Variants in GPC6 observed in about 807,000 individuals in gnomAD.
GPC6 encodes glypican-6.
A neutral mutation model predicts 55.2 loss-of-function variants in GPC6; 14 were observed. The ratio of observed to expected loss-of-function variants is 0.25; its 90% CI spans 0.17 to 0.40. GPC6 has a LOEUF of 0.40. Among genes scored for constraint, GPC6 ranks in the 10% least tolerant of loss-of-function variants. GPC6 has a pLI of 1.00. For synonymous variants in GPC6, 278 were observed against 259.6 expected, an observed-to-expected ratio of 1.07 and a Z score of -0.68; for missense variants, 641 against 708.5, an observed-to-expected ratio of 0.90 and a Z score of 1.08.
intron 1 of GPC6, among the ~76,000 whole-genome samples, chr13:93,418,406 A>G (rs538601268): frequency 6.8e-6 from 1 of 146,250 alleles, no homozygotes; most frequent in Admixed American, 6.7e-5. Context: ...CCGTAGTATT[A>G]TTTTATTAAT....
At chr13:94,003,395 C>T (rs1393882322) in intron 3 of GPC6, among the ~76,000 whole-genome samples, 1 of 152,120 alleles carries the variant, frequency 6.6e-6, no homozygotes, top group Non-Finnish European at 1.5e-5. Flanking sequence ...AGAGCTCAGT[C>T]AGAATAGAGG....
At chr13:94,324,843 G>A (rs958975767) in intron 6 of GPC6, among the ~76,000 whole-genome samples, 22 of 152,106 alleles carry the variant, frequency 1.4e-4, no homozygotes, top group Admixed American at 3.3e-4. Flanking sequence ...GATACGCCAC[G>A]TTTGTGACAT....
At chr13:94,030,898 T>C (rs1408612593) in intron 4 of GPC6, among the ~76,000 whole-genome samples, 1 of 152,204 alleles carries the variant, frequency 6.6e-6, no homozygotes, top group Non-Finnish European at 1.5e-5. Context: ...TTAGTGACTG[T>C]TTAGAGTTCA....
At chr13:93,671,503 G>A (rs1300625974) in intron 2 of GPC6, among the ~76,000 whole-genome samples, 1 of 152,056 alleles carries the variant, frequency 6.6e-6, no homozygotes, top group Non-Finnish European at 1.5e-5. Context: ...CCTCTGGGGT[G>A]TTTTGGCTTT....
chr13:93,621,283 G>A (rs1878941147), intron 2 of GPC6, among the ~76,000 whole-genome samples: 1 of 152,178 alleles, frequency 6.6e-6, no homozygotes, highest in African/African-American at 2.4e-5. Context: ...GTTGCAACCT[G>A]TTGGCCTTCA....
At chr13:93,328,159 A>G (rs956908038) in intron 1 of GPC6, among the ~76,000 whole-genome samples, 1 of 152,138 alleles carries the variant, frequency 6.6e-6, no homozygotes, top group African/African-American at 2.4e-5. Flanking sequence ...CTATCTGAAG[A>G]CTTAAAGCAA....
intron 2 of GPC6, among the ~76,000 whole-genome samples, chr13:93,593,802 A>G (rs1877597981): frequency 6.6e-6 from 1 of 152,158 alleles, no homozygotes; most frequent in Non-Finnish European, 1.5e-5. Flanking sequence ...CTTTTGGAAG[A>G]TTGTCAAATT....
intron 2 of GPC6, among the ~76,000 whole-genome samples, chr13:93,623,250 T>C (rs1411518430): frequency 6.6e-6 from 1 of 152,134 alleles, no homozygotes; most frequent in African/African-American, 2.4e-5. Context: ...TGCAGATATC[T>C]CCTTGACATA....
chr13:94,166,845 A>G (rs1480705866), intron 4 of GPC6, among the ~76,000 whole-genome samples: 2 of 152,192 alleles, frequency 1.3e-5, no homozygotes, highest in African/African-American at 4.8e-5. Flanking sequence ...ATTTAGTCCA[A>G]ATACATTAAA....
intron 2 of GPC6, among the ~76,000 whole-genome samples, chr13:93,796,260 T>C (rs2138929895): frequency 6.6e-6 from 1 of 152,234 alleles, no homozygotes; most frequent in African/African-American, 2.4e-5. Flanking sequence ...AGCAGTCTAG[T>C]AATTGGATTT....
At chr13:93,876,826 A>G (rs909737980) in intron 3 of GPC6, among the ~76,000 whole-genome samples, 4 of 152,100 alleles carry the variant, frequency 2.6e-5, no homozygotes, top group Non-Finnish European at 4.4e-5. Context: ...TGACGGGCTC[A>G]TTTAATATTG....
intron 3 of GPC6, among the ~76,000 whole-genome samples, chr13:94,011,025 A>G (rs1882223983): frequency 6.6e-6 from 1 of 152,194 alleles, no homozygotes; most frequent in South Asian, 2.1e-4. Context: ...TAAGTCATCA[A>G]TCACATAAAA....
chr13:93,701,617 A>G (rs765792688), intron 2 of GPC6, among the ~76,000 whole-genome samples: 10 of 152,046 alleles, frequency 6.6e-5, no homozygotes, highest in Admixed American at 2.0e-4. Flanking sequence ...GTAGCATGCA[A>G]TGTTATTCAG....
intron 3 of GPC6, among the ~76,000 whole-genome samples, chr13:93,939,083 G>A (rs1233545098): frequency 4.0e-5 from 6 of 151,480 alleles, no homozygotes; most frequent in East Asian, 1.9e-4. Flanking sequence ...GCCTGCTGAC[G>A]GAGACGCTGT....
At chr13:94,045,395 CTTT>C (rs531705766) in intron 4 of GPC6, among the ~76,000 whole-genome samples, 1 of 151,742 alleles carries the variant, frequency 6.6e-6, no homozygotes, top group Non-Finnish European at 1.5e-5. Flanking sequence ...TAAAACCATA[CTTT>C]TTTTTATTTA....
At chr13:93,444,174 A>G (rs1195938134) in intron 1 of GPC6, among the ~76,000 whole-genome samples, 1 of 150,028 alleles carries the variant, frequency 6.7e-6, no homozygotes, top group East Asian at 2.0e-4. Flanking sequence ...ATTTCCAGTA[A>G]AAAGTCAAAA....
At chr13:93,433,541 A>G (rs866177325) in intron 1 of GPC6, among the ~76,000 whole-genome samples, 9 of 152,298 alleles carry the variant, frequency 5.9e-5, no homozygotes, top group African/African-American at 2.2e-4. Context: ...ATAAAATCTT[A>G]AATTAAGTAA....
intron 4 of GPC6, among the ~76,000 whole-genome samples, chr13:94,160,873 G>T (rs1044640222): frequency 6.6e-6 from 1 of 152,114 alleles, no homozygotes; most frequent in African/African-American, 2.4e-5. Context: ...TATAACAAAA[G>T]ATATCTTCCC....
intron 2 of GPC6, among the ~76,000 whole-genome samples, chr13:93,811,207 A>T (rs1886684523): frequency 6.6e-6 from 1 of 152,242 alleles, no homozygotes; most frequent in Non-Finnish European, 1.5e-5. Flanking sequence ...TTAAAAGGTT[A>T]AGGCCTGTTC....
Sources: gnomAD v4.1 joint callset for allele counts (sites outside exome capture counted in the v4.1 genomes callset) on GRCh38, gnomAD v4.1.1 for gene constraint, MANE v1.5 for transcripts, NCBI Gene and HGNC (gene_info 2026-07-23, HGNC 2026-07-21) for gene names.